The following CEP162 variants were observed in gnomAD, a reference collection of about 807,000 sequenced individuals.
CEP162 encodes centrosomal protein of 162 kDa.
A neutral mutation model predicts 169.2 loss-of-function variants in CEP162; 141 were observed. The observed-to-expected ratio is 0.83, with a 90% CI of 0.73 to 0.96. The LOEUF (loss-of-function observed/expected upper bound fraction) is 0.96, where lower values mean the gene tolerates loss of function less well. Among genes scored for constraint, CEP162 ranks in the 40% least tolerant of loss-of-function variants. The probability of loss-of-function intolerance (pLI) is 0.00; values close to 1 mark genes in which losing one functional copy is unlikely to be tolerated. For synonymous variants in CEP162, 540 were observed against 526.4 expected (o/e 1.03, Z -0.35); for missense variants, 1,600 against 1,587.2 (o/e 1.01, Z -0.14).
In CEP162 at chr6:84,161,897, T is replaced by C. The variant is rs771761522; in HGVS notation, c.2525A>G (p.Tyr842Cys). ...TGTTTCTTCTAAAATTTTTATTTCA[T>C]ATAATTTCTCACCTATAAGATACAG... ...QIAYVTGEKL[Y>C]EIKILEETHK... The change falls in exon 20 of 27, where the codon TAT becomes TGT. Residue 842 changes from tyrosine (Y) to cysteine (C), a missense_variant. Tyr to Cys is a radical substitution (Grantham distance 194, BLOSUM62 -2). Coordinates refer to ENST00000403245, the MANE Select transcript of CEP162 (RefSeq NM_014895.4). 17 of 1,534,118 alleles carry C rather than the reference T, an allele frequency of 1.1e-5. No individual in the cohort carries two copies. Among genetic ancestry groups the C allele is most frequent in the Non-Finnish European group, 1.4e-5 (16 of 1,124,850 alleles).
chr6:84,221,230 T>G lies in CEP162; in HGVS notation c.58-59A>C, dbSNP rs2099553602. 1.4e-5 allele frequency: 12 copies of G among 835,546 alleles called. No individual in the cohort carries two copies. The South Asian group carries it at 1.7e-4, about 12-fold the overall frequency. The allele number at this position is 835,546 out of a possible 1,614,324, so 51.8% of individuals were successfully genotyped here. A position where few individuals can be genotyped will look rare whatever the true frequency, so the allele number is the denominator to read the frequency against. On this transcript the variant is annotated intron_variant, in intron 2 of 26. Transcript: ENST00000403245. The stretch of plus-strand genomic sequence containing the variant: ...ACAGTGTAAATTCAAGAATCTCAGA[T>G]TCATCATTAAGCATGTTTCTATTAG...
chr6:84,161,064 C>T, intron 20 of CEP162, 148 bp from the exon 21 acceptor site: 1 of 624,598 alleles, frequency 1.6e-6, no homozygotes, highest in East Asian at 2.8e-5. Context: ...TTGAGCTCCT[C>T]CCAAGTTCCA....
At chr6:84,129,407 T>C (rs2099510312) in intron 25 of CEP162, among the ~76,000 whole-genome samples, 2 of 152,196 alleles carry the variant, frequency 1.3e-5, no homozygotes, top group South Asian at 4.1e-4. Context: ...GGTATCTCAT[T>C]GTGGTTTTGA....
Position 84,200,780 on chromosome 6 carries a change from C to A in CEP162, c.835+9G>T. On this transcript the variant is annotated intron_variant, in intron 9 of 26. Transcript: ENST00000403245. ...TTTAGAGAACAGTCAGGTTTCTAAA[C>A]ATTTTTACCTGTTCCTGTCATTTCA... 6.8e-7 allele frequency: 1 copy of A among 1,467,428 alleles called. No homozygotes were observed. The highest frequency in any genetic ancestry group is 1.1e-5 in the South Asian group (1 of 87,760). The allele number at this position is 1,467,428 out of a possible 1,614,324, so 90.9% of individuals were successfully genotyped here. A position where few individuals can be genotyped will look rare whatever the true frequency, so the allele number is the denominator to read the frequency against.
chr6:84,144,263 C>T (rs1221320096), intron 25 of CEP162, among the ~76,000 whole-genome samples: 1 of 151,904 alleles, frequency 6.6e-6, no homozygotes, highest in Non-Finnish European at 1.5e-5. Context: ...GTTTAATCTT[C>T]TTTGAGTTAT....
At chr6:84,206,670 C>A (rs1029757306) in intron 6 of CEP162, among the ~76,000 whole-genome samples, 4 of 152,198 alleles carry the variant, frequency 2.6e-5, no homozygotes, top group African/African-American at 7.2e-5. Context: ...GCAAGGACTT[C>A]ATGTCTAAAA....
chr6:84,164,425 A>G (rs2099526977), intron 18 of CEP162, among the ~76,000 whole-genome samples: 1 of 152,220 alleles, frequency 6.6e-6, no homozygotes, highest in African/African-American at 2.4e-5. Context: ...CACTATGTAC[A>G]ATAGCAAAGA....
chr6:84,188,860 A>G (rs1030589946), intron 11 of CEP162, among the ~76,000 whole-genome samples: 10 of 152,050 alleles, frequency 6.6e-5, no homozygotes, highest in African/African-American at 2.2e-4. Context: ...GCAGTGTATA[A>G]ATGTTCCCTT....
intron 11 of CEP162, among the ~76,000 whole-genome samples, chr6:84,187,436 A>C (rs1238990524): frequency 6.6e-6 from 1 of 152,218 alleles, no homozygotes; most frequent in Non-Finnish European, 1.5e-5. Context: ...GGTAACTGCT[A>C]GTAGGTGGAA....
intron 6 of CEP162, 104 bp from the exon 7 acceptor site, chr6:84,204,200 G>T (rs2099545816): frequency 8.1e-6 from 5 of 620,524 alleles, no homozygotes; most frequent in Non-Finnish European, 1.4e-5. Flanking sequence ...TATAAGAATA[G>T]TTTATTGAAA....
chr6:84,129,202 T>C (rs937357585), intron 25 of CEP162, among the ~76,000 whole-genome samples: 1 of 152,210 alleles, frequency 6.6e-6, no homozygotes, highest in Non-Finnish European at 1.5e-5. Context: ...TTTGGGTATA[T>C]ACCCAGTAAT....
intron 25 of CEP162, among the ~76,000 whole-genome samples, chr6:84,137,315 G>A (rs932138641): frequency 1.3e-5 from 2 of 152,068 alleles, no homozygotes; most frequent in Admixed American, 1.3e-4. Flanking sequence ...ACATGCTAGC[G>A]AGCCTTACAA....
intron 16 of CEP162, among the ~76,000 whole-genome samples, chr6:84,173,309 T>C (rs2099530950): frequency 6.6e-6 from 1 of 152,148 alleles, no homozygotes; most frequent in Non-Finnish European, 1.5e-5. Context: ...ATGTCCTAAG[T>C]TGAAAATGCA....
chr6:84,182,494 A>AT (rs1342756482), intron 13 of CEP162, among the ~76,000 whole-genome samples: 1 of 152,122 alleles, frequency 6.6e-6, no homozygotes, highest in African/African-American at 2.4e-5. Context: ...CTTCCTTCCT[A>AT]TTAATAAATA....
rs1021390202 is a variant in CEP162 at position 84,218,207 on chromosome 6, G to A, written c.173-2285C>T. ...AAATAATTAGGTGAACTAGGCCAGG[G>A]AGACCAGAACAGGCAGGGGACACAG... On this transcript the variant is annotated intron_variant, in intron 3 of 26. Coordinates refer to ENST00000403245, the MANE Select transcript of CEP162 (RefSeq NM_014895.4). 3.9e-5 allele frequency among the ~76,000 whole-genome samples: 6 copies of A among 152,338 alleles called. No individual in the cohort carries two copies. In the East Asian group the frequency reaches 1.2e-3, roughly 29 times the overall value.
At chr6:84,136,941 TGAA>T (rs2099514373) in intron 25 of CEP162, among the ~76,000 whole-genome samples, 1 of 152,208 alleles carries the variant, frequency 6.6e-6, no homozygotes, top group Admixed American at 6.5e-5. Flanking sequence ...TTGTATGAAC[TGAA>T]ATACTTCATA....
intron 18 of CEP162, among the ~76,000 whole-genome samples, chr6:84,166,534 T>C (rs921243691): frequency 2.6e-5 from 4 of 152,184 alleles, no homozygotes; most frequent in African/African-American, 7.2e-5. Context: ...AGAACATATG[T>C]TCCTGGTGAG....
chr6:84,148,432 G>A (rs1451765574), intron 24 of CEP162, among the ~76,000 whole-genome samples: 6 of 152,230 alleles, frequency 3.9e-5, no homozygotes, highest in East Asian at 1.9e-4. Context: ...GGAAGGCTGA[G>A]ACAGAAGAAT....
chr6:84,163,530 T>C (rs1404830659), intron 18 of CEP162, among the ~76,000 whole-genome samples: 1 of 151,968 alleles, frequency 6.6e-6, no homozygotes, highest in Non-Finnish European at 1.5e-5. Context: ...ACTAACCATA[T>C]TGATGACCCA....
Sources: gnomAD v4.1 joint callset for allele counts (sites outside exome capture counted in the v4.1 genomes callset) on GRCh38, gnomAD v4.1.1 for gene constraint, MANE v1.5 for transcripts, NCBI Gene and HGNC (gene_info 2026-07-23, HGNC 2026-07-21) for gene names.